PTER: variants seen among roughly 807,000 people sequenced by gnomAD.
PTER encodes the protein N-acetyltaurine hydrolase.
Under a neutral mutation model 29.6 loss-of-function variants are expected in PTER, and 38 were observed. That is an observed-to-expected ratio of 1.28 (90% CI 0.99 to 1.68). The LOEUF (loss-of-function observed/expected upper bound fraction) is 1.68. Among genes scored for constraint, PTER ranks in the 40% most tolerant of loss-of-function variants. PTER has a pLI of 0.00. For synonymous variants in PTER, 172 were observed against 154.5 expected (o/e 1.11, Z -0.84); for missense variants, 482 against 427.8 (o/e 1.13, Z -1.12).
Position 16,505,006 on chromosome 10 carries a change from C to T in PTER, c.699-14C>T, listed in dbSNP as rs183624795. The T allele has an allele frequency of 2.9e-5, 46 of 1,612,756 alleles. No homozygotes were observed. The highest frequency in any genetic ancestry group is 3.3e-4 in the Middle Eastern group (2 of 6,052). On this transcript the variant is annotated splice_polypyrimidine_tract_variant and intron_variant, in intron 3 of 4. Transcript: ENST00000535784. ...CTCTTCATAATAACAGTTCATCTGT[C>T]GCATTGTTTCTAGGACTATTCTTGA...
Position 16,484,507 on chromosome 10 carries a change from C to G in PTER, c.123C>G (p.Pro41=). Reference sequence around the variant, plus strand: ...TTGACTGCTGTTACTGTCCACCTCCCCCGTGCCAGGAAGCTATTTCCAAAG... The same window carrying G: ...TTGACTGCTGTTACTGTCCACCTCCGCCGTGCCAGGAAGCTATTTCCAAAG... ...MTFDCCYCPP[P]PCQEAISKEP... The change falls in exon 2 of 5, where the codon CCC becomes CCG. Residue 41 remains proline, a synonymous_variant. Coordinates refer to ENST00000535784, the MANE Select transcript of PTER (RefSeq NM_001261836.2). The G allele has an allele frequency of 6.2e-7, 1 of 1,614,020 alleles. No homozygotes were observed. Among genetic ancestry groups the G allele is most frequent in the Non-Finnish European group, 8.5e-7 (1 of 1,180,002 alleles).
chr10:16,466,711 T>G (rs367641874), intron 1 of PTER, among the ~76,000 whole-genome samples: 11 of 152,334 alleles, frequency 7.2e-5, no homozygotes, highest in African/African-American at 2.6e-4. Flanking sequence ...AAGACTTTTC[T>G]TGGAGAGTCT....
intron 3 of PTER, among the ~76,000 whole-genome samples, chr10:16,501,298 C>T (rs866159539): frequency 7.3e-5 from 11 of 150,014 alleles, no homozygotes; most frequent in Middle Eastern, 3.4e-3. Context: ...GGGGTCATAT[C>T]ACTATATGTC....
rs536844794 is a variant in PTER at position 16,456,036 on chromosome 10, C to T, written c.-49+18989C>T. Among the ~76,000 whole-genome samples the T allele has an allele frequency of 1.6e-4, 25 of 152,276 alleles. No individual in the cohort carries two copies. The East Asian group carries it at 2.9e-3, about 18-fold the overall frequency. The stretch of plus-strand genomic sequence containing the variant: ...AGGGAAAATGAACAACCATCATCCC[C>T]GGAATGCTGTGATTTGCCATAACCA... On this transcript the variant is annotated intron_variant, in intron 1 of 4. Coordinates refer to ENST00000535784, the MANE Select transcript of PTER (RefSeq NM_001261836.2).
intron 1 of PTER, among the ~76,000 whole-genome samples, chr10:16,481,857 C>A (rs1835492521): frequency 6.6e-6 from 1 of 152,120 alleles, no homozygotes; most frequent in Non-Finnish European, 1.5e-5. Flanking sequence ...GCAAATTAAC[C>A]CATATGGAAG....
At chr10:16,467,854 G>A (rs1432581582) in intron 1 of PTER, among the ~76,000 whole-genome samples, 3 of 152,112 alleles carry the variant, frequency 2.0e-5, no homozygotes, top group African/African-American at 7.2e-5. Flanking sequence ...AGAACTTGGA[G>A]TGTGAAGATA....
chr10:16,471,608 G>T (rs1222689897), intron 1 of PTER, among the ~76,000 whole-genome samples: 1 of 152,014 alleles, frequency 6.6e-6, no homozygotes, highest in African/African-American at 2.4e-5. Context: ...AACTAGTTTT[G>T]TGTTTTGCTT....
intron 3 of PTER, among the ~76,000 whole-genome samples, chr10:16,496,236 C>CA (rs1482535544): frequency 6.6e-6 from 1 of 152,214 alleles, no homozygotes; most frequent in Non-Finnish European, 1.5e-5. Context: ...CCTCCACAAT[C>CA]CACCAGATCT....
In PTER at chr10:16,484,538, A is replaced by G. The variant is rs754406223; in HGVS notation, c.154A>G (p.Ile52Val). Residue 52 changes from isoleucine (I) to valine (V), a missense_variant, in exon 2 of 5, where the codon ATC becomes GTC. Physicochemically the swap from Ile to Val is conservative, Grantham distance 29. Transcript: ENST00000535784. ...CCAGGAAGCTATTTCCAAAGAACCT[A>G]TCGTGATGAAAAATTTATATTGGAT... is the stretch of plus-strand genomic sequence containing the variant. ...PCQEAISKEP[I>V]VMKNLYWIQK... The G allele has an allele frequency of 6.8e-6, 11 of 1,614,018 alleles. No homozygotes were observed. Among genetic ancestry groups the G allele is most frequent in the Non-Finnish European group, 8.5e-6 (10 of 1,179,994 alleles).
intron 3 of PTER, among the ~76,000 whole-genome samples, chr10:16,498,845 G>A (rs939552213): frequency 1.3e-5 from 2 of 152,162 alleles, no homozygotes; most frequent in East Asian, 1.9e-4. Flanking sequence ...CTTCAGTAGC[G>A]CTTTGGCAGT....
intron 4 of PTER, among the ~76,000 whole-genome samples, chr10:16,508,235 A>C (rs7072077): frequency 6.6e-6 from 1 of 151,276 alleles, no homozygotes; most frequent in African/African-American, 2.4e-5. Context: ...CGCCCGGCTA[A>C]TTTTTTGTAT....
At chr10:16,518,937 G>A in the PTER span, among the ~76,000 whole-genome samples, 1 of 151,830 alleles carries the variant, frequency 6.6e-6, no homozygotes, top group Non-Finnish European at 1.5e-5. Context: ...GCCTATAACT[G>A]TTTTACTGTT....
downstream of PTER, among the ~76,000 whole-genome samples, chr10:16,515,612 G>A (rs1475412730): frequency 6.6e-6 from 1 of 152,124 alleles, no homozygotes; most frequent in Non-Finnish European, 1.5e-5. Context: ...TCATTAGTGA[G>A]TTGATAGACA....
intron 4 of PTER, among the ~76,000 whole-genome samples, chr10:16,506,666 G>A (rs1836580600): frequency 6.6e-6 from 1 of 152,100 alleles, no homozygotes; most frequent in African/African-American, 2.4e-5. Flanking sequence ...CAGCGATGGG[G>A]TGAATGCAAA....
At chr10:16,507,310 A>T (rs1000856184) in intron 4 of PTER, among the ~76,000 whole-genome samples, 1 of 151,982 alleles carries the variant, frequency 6.6e-6, no homozygotes, top group Non-Finnish European at 1.5e-5. Flanking sequence ...TGGAAAAAGT[A>T]GAAAAATGTA....
chr10:16,483,447 C>T (rs953832870), intron 1 of PTER, among the ~76,000 whole-genome samples: 2 of 152,282 alleles, frequency 1.3e-5, no homozygotes, highest in African/African-American at 2.4e-5. Context: ...TCTATGAAGT[C>T]GTGTGAGTCA....
At chr10:16,495,828 A>G (rs1298648181) in intron 3 of PTER, among the ~76,000 whole-genome samples, 1 of 152,232 alleles carries the variant, frequency 6.6e-6, no homozygotes, top group Non-Finnish European at 1.5e-5. Flanking sequence ...GGGTCACTTT[A>G]AAGAACACCC....
At chr10:16,473,294 C>T (rs1328303336) in intron 1 of PTER, among the ~76,000 whole-genome samples, 2 of 152,092 alleles carry the variant, frequency 1.3e-5, no homozygotes, top group African/African-American at 2.4e-5. Flanking sequence ...GATAAATCCA[C>T]GCAGTGCTGG....
chr10:16,445,472 A>G (rs1184900535), intron 1 of PTER, among the ~76,000 whole-genome samples: 3 of 152,240 alleles, frequency 2.0e-5, no homozygotes, highest in Admixed American at 6.5e-5. Flanking sequence ...CTGGAAGAGT[A>G]TCTTTCCTAG....
Sources: gnomAD v4.1 joint callset for allele counts (sites outside exome capture counted in the v4.1 genomes callset) on GRCh38, gnomAD v4.1.1 for gene constraint, MANE v1.5 for transcripts, NCBI Gene and HGNC (gene_info 2026-07-23, HGNC 2026-07-21) for gene names.